Variants in NFIL3 observed in about 807,000 individuals in gnomAD.
NFIL3 encodes the protein nuclear factor, interleukin 3 regulated, also known as nuclear factor interleukin-3-regulated protein.
Under a neutral mutation model 10.0 loss-of-function variants are expected in NFIL3, and 5 were observed. That is an observed-to-expected ratio of 0.50 (90% CI 0.26 to 1.06). The LOEUF (loss-of-function observed/expected upper bound fraction) is 1.06, where lower values mean the gene tolerates loss of function less well. Among genes scored for constraint, NFIL3 ranks in the 50% least tolerant of loss-of-function variants. The pLI is 0.13. For missense variants in NFIL3, 436 were observed against 547.6 expected (o/e 0.80, Z 2.03); for synonymous variants, 202 against 206.5 (o/e 0.98, Z 0.19).
chr9:91,411,791 T>C (rs1192941172), intron 1 of NFIL3, among the ~76,000 whole-genome samples: 1 of 152,178 alleles, frequency 6.6e-6, no homozygotes, highest in African/African-American at 2.4e-5. Context: ...TTCAGTTACA[T>C]AGTAGCTTTG....
chr9:91,446,447 C>T, the NFIL3 span, among the ~76,000 whole-genome samples: 1 of 152,202 alleles, frequency 6.6e-6, no homozygotes, highest in African/African-American at 2.4e-5. Context: ...GTTCTACGAA[C>T]TTCTAGTTGA....
the NFIL3 span, among the ~76,000 whole-genome samples, chr9:91,476,479 A>T: frequency 6.6e-6 from 1 of 152,136 alleles, no homozygotes; most frequent in East Asian, 1.9e-4. Context: ...AGGCTGAGAC[A>T]GGAGACTTGC....
chr9:91,425,784 T>C (rs1232807341), upstream of NFIL3, among the ~76,000 whole-genome samples: 1 of 152,250 alleles, frequency 6.6e-6, no homozygotes, highest in Non-Finnish European at 1.5e-5. Flanking sequence ...GCCACTTTTC[T>C]CAAATTTACT....
chr9:91,448,368 A>G, the NFIL3 span, among the ~76,000 whole-genome samples: 4 of 152,234 alleles, frequency 2.6e-5, no homozygotes, highest in East Asian at 7.7e-4. Context: ...GAAGCGGAGT[A>G]CGTGCAAAAA....
upstream of NFIL3, among the ~76,000 whole-genome samples, chr9:91,424,133 G>A (rs1833833539): frequency 6.6e-6 from 1 of 151,964 alleles, no homozygotes; most frequent in Non-Finnish European, 1.5e-5. Flanking sequence ...AACGGCCCAC[G>A]CGGCCGACAC....
intron 1 of NFIL3, among the ~76,000 whole-genome samples, chr9:91,414,401 C>T (rs548195788): frequency 6.6e-6 from 1 of 152,218 alleles, no homozygotes; most frequent in Non-Finnish European, 1.5e-5. Flanking sequence ...TGGGGTTTCT[C>T]CATGTTAGTA....
chr9:91,450,683 G>T, the NFIL3 span, among the ~76,000 whole-genome samples: 6 of 152,126 alleles, frequency 3.9e-5, no homozygotes, highest in African/African-American at 1.4e-4. Context: ...TCCTTCTATT[G>T]TTGGGTGGAG....
At chr9:91,424,992 C>A (rs1159509160), upstream of NFIL3, among the ~76,000 whole-genome samples, 1 of 152,238 alleles carries the variant, frequency 6.6e-6, no homozygotes, top group East Asian at 1.9e-4. Context: ...ACGTGGCACA[C>A]TCCCTGCGTT....
At chr9:91,422,789 T>C (rs1164285564) in intron 1 of NFIL3, among the ~76,000 whole-genome samples, 2 of 152,206 alleles carry the variant, frequency 1.3e-5, no homozygotes, top group African/African-American at 2.4e-5. Context: ...CGAACCCCAG[T>C]AGTACCCAAG....
the NFIL3 span, among the ~76,000 whole-genome samples, chr9:91,477,387 T>C: frequency 6.6e-6 from 1 of 152,222 alleles, no homozygotes; most frequent in African/African-American, 2.4e-5. Flanking sequence ...AAAGGGCTCA[T>C]GTGATGAGGT....
At chr9:91,417,303 T>C (rs1288612273) in intron 1 of NFIL3, among the ~76,000 whole-genome samples, 3 of 152,188 alleles carry the variant, frequency 2.0e-5, no homozygotes. Flanking sequence ...AAAAAATGTC[T>C]TCAAGGTAAA....
the NFIL3 span, among the ~76,000 whole-genome samples, chr9:91,431,724 G>A: frequency 6.6e-6 from 1 of 152,198 alleles, no homozygotes; most frequent in South Asian, 2.1e-4. Context: ...AGTTCCTTTT[G>A]CTTCTGTTCC....
upstream of NFIL3, among the ~76,000 whole-genome samples, chr9:91,426,082 C>G (rs533593099): frequency 6.6e-5 from 10 of 152,246 alleles, no homozygotes; most frequent in South Asian, 1.9e-3. Context: ...CTGGAGCCAC[C>G]CCAGGCAGTG....
the NFIL3 span, among the ~76,000 whole-genome samples, chr9:91,456,635 C>G: frequency 6.6e-6 from 1 of 151,910 alleles, no homozygotes; most frequent in Non-Finnish European, 1.5e-5. Context: ...TATTTTTTCT[C>G]AGTGTATGGC....
chr9:91,424,467 G>T (rs1564160464), upstream of NFIL3, among the ~76,000 whole-genome samples: 1 of 152,296 alleles, frequency 6.6e-6, no homozygotes, highest in Non-Finnish European at 1.5e-5. Flanking sequence ...CAACACTCGG[G>T]GCGCGCTGCG....
chr9:91,475,447 T>A, the NFIL3 span, among the ~76,000 whole-genome samples: 11,298 of 152,228 alleles, frequency 0.074, 598 homozygotes, highest in East Asian at 0.23. Context: ...CAATTTTAGC[T>A]GAAGGTACAG....
the NFIL3 span, among the ~76,000 whole-genome samples, chr9:91,444,204 G>C: frequency 6.6e-6 from 1 of 151,538 alleles, no homozygotes; most frequent in Admixed American, 6.6e-5. Context: ...GATCTAGTCT[G>C]CTGTTGAAGC....
At chr9:91,443,411 A>G in the NFIL3 span, among the ~76,000 whole-genome samples, 1 of 152,114 alleles carries the variant, frequency 6.6e-6, no homozygotes, top group Admixed American at 6.5e-5. Flanking sequence ...GCCACCAATC[A>G]TGTTGTCCAT....
chr9:91,420,183 C>CAG (rs1833733388), intron 1 of NFIL3, among the ~76,000 whole-genome samples: 1 of 152,114 alleles, frequency 6.6e-6, no homozygotes, highest in Admixed American at 6.5e-5. Context: ...GCAATCCTGT[C>CAG]AGGAATTCCC....
Sources: allele counts gnomAD v4.1 joint callset (sites outside exome capture counted in the v4.1 genomes callset), GRCh38; gene constraint gnomAD v4.1.1; transcripts MANE v1.5; gene names NCBI Gene and HGNC (gene_info 2026-07-23, HGNC 2026-07-21).